Variants in TPRG1 observed in about 807,000 individuals in gnomAD.
TPRG1 encodes tumor protein p63 regulated 1, also known as tumor protein p63-regulated gene 1 protein.
Under a neutral mutation model 29.3 loss-of-function variants are expected in TPRG1, and 29 were observed. The ratio of observed to expected loss-of-function variants is 0.99; its 90% CI spans 0.74 to 1.35. The LOEUF (loss-of-function observed/expected upper bound fraction) is 1.35, where lower values mean the gene tolerates loss of function less well. Among genes scored for constraint, TPRG1 ranks in the 40% most tolerant of loss-of-function variants. The pLI is 0.00. For missense variants in TPRG1, 327 were observed against 335.0 expected (o/e 0.98, Z 0.19); for synonymous variants, 130 against 116.8 (o/e 1.11, Z -0.73).
chr3:189,140,747 G>T (rs533114749), intron 3 of TPRG1, among the ~76,000 whole-genome samples: 1 of 152,174 alleles, frequency 6.6e-6, no homozygotes, highest in African/African-American at 2.4e-5. Flanking sequence ...GGTATTTCAA[G>T]AGGGTAATCA....
At chr3:189,043,695 C>T (rs924539164) in intron 4 of TPRG1, among the ~76,000 whole-genome samples, 2 of 152,102 alleles carry the variant, frequency 1.3e-5, no homozygotes, top group African/African-American at 4.8e-5. Context: ...CACTGGAATT[C>T]TATGACACCC....
chr3:189,082,718 A>C (rs1056414971), intron 4 of TPRG1, among the ~76,000 whole-genome samples: 2 of 152,204 alleles, frequency 1.3e-5, no homozygotes, highest in Non-Finnish European at 2.9e-5. Context: ...CAGAAGGTAA[A>C]TTCCAGTGGT....
chr3:189,280,674 C>G (rs905378931), intron 4 of TPRG1, among the ~76,000 whole-genome samples: 2 of 152,088 alleles, frequency 1.3e-5, no homozygotes, highest in African/African-American at 4.8e-5. Flanking sequence ...ACACAGGACT[C>G]GAAGACAGAT....
intron 4 of TPRG1, among the ~76,000 whole-genome samples, chr3:189,296,287 A>G (rs950544711): frequency 6.6e-6 from 1 of 152,184 alleles, no homozygotes; most frequent in Non-Finnish European, 1.5e-5. Flanking sequence ...TGAAAAACCA[A>G]CTCTTCACAA....
chr3:189,156,198 G>T (rs1726642564), intron 5 of TPRG1, among the ~76,000 whole-genome samples: 1 of 152,152 alleles, frequency 6.6e-6, no homozygotes, highest in South Asian at 2.1e-4. Context: ...CAGAAAAGGT[G>T]CTATGCTTGC....
At chr3:189,096,881 A>G (rs961690501), upstream of TPRG1, among the ~76,000 whole-genome samples, 1 of 152,226 alleles carries the variant, frequency 6.6e-6, no homozygotes, top group African/African-American at 2.4e-5. Flanking sequence ...ATTTTCAGAC[A>G]ACTGTAGACA....
intron 1 of TPRG1, chr3:189,191,074 G>A (rs1471474847): frequency 1.9e-5 from 11 of 573,986 alleles, no homozygotes; most frequent in South Asian, 7.6e-5. Flanking sequence ...CAGTTCACAC[G>A]TAAATATACA....
intron 1 of TPRG1, among the ~76,000 whole-genome samples, chr3:189,187,966 CAT>C (rs1333258350): frequency 3.4e-4 from 52 of 152,244 alleles, no homozygotes; most frequent in Non-Finnish European, 5.3e-4. Flanking sequence ...AAAGTAAAGA[CAT>C]ATTTCAGGCT....
At chr3:189,175,961 A>G (rs1053095684) in intron 1 of TPRG1, among the ~76,000 whole-genome samples, 1 of 152,200 alleles carries the variant, frequency 6.6e-6, no homozygotes, top group African/African-American at 2.4e-5. Context: ...GAACAGGCAT[A>G]GAAGATTCTT....
chr3:189,264,671 G>T lies in TPRG1; in HGVS notation c.479+25762G>T, dbSNP rs1410085300. ...AATGAAGTGTTCATTTCACCAAAAA[G>T]ATTTTTTAAGAAAACACAAAGCACA... On this transcript the variant is annotated intron_variant, in intron 4 of 5. Coordinates refer to ENST00000345063, the MANE Select transcript of TPRG1 (RefSeq NM_198485.4). Among the ~76,000 whole-genome samples the T allele has an allele frequency of 2.0e-5, 3 of 152,028 alleles. 1 individual carries two copies. Among genetic ancestry groups the T allele is most frequent in the South Asian group, 4.1e-4 (2 of 4,822 alleles).
intron 4 of TPRG1, among the ~76,000 whole-genome samples, chr3:189,303,208 T>C (rs919958176): frequency 6.6e-6 from 1 of 152,234 alleles, no homozygotes; most frequent in African/African-American, 2.4e-5. Flanking sequence ...TCTTAAAATC[T>C]GGGTGTTTTT....
intron 4 of TPRG1, among the ~76,000 whole-genome samples, chr3:189,089,920 C>T (rs535449335): frequency 4.0e-5 from 6 of 151,480 alleles, no homozygotes; most frequent in South Asian, 4.2e-4. Flanking sequence ...GAGATTTTTC[C>T]AGGAGTTTAT....
intron 3 of TPRG1, among the ~76,000 whole-genome samples, chr3:189,142,300 A>C (rs1724678648): frequency 6.6e-6 from 1 of 152,118 alleles, no homozygotes; most frequent in Non-Finnish European, 1.5e-5. Context: ...AAACTACACC[A>C]AGGGATTGAT....
At chr3:189,076,694 G>T (rs1717194674) in intron 4 of TPRG1, among the ~76,000 whole-genome samples, 1 of 151,728 alleles carries the variant, frequency 6.6e-6, no homozygotes, top group Non-Finnish European at 1.5e-5. Context: ...ATCATTACTG[G>T]GAGTGATAAG....
chr3:189,251,736 G>T (rs900984698), intron 4 of TPRG1, among the ~76,000 whole-genome samples: 2 of 150,532 alleles, frequency 1.3e-5, no homozygotes, highest in South Asian at 4.2e-4. Flanking sequence ...ATTGTTGCCC[G>T]CATGTCCCAC....
chr3:188,998,023 T>C (rs1327965187), intron 1 of TPRG1, among the ~76,000 whole-genome samples: 1 of 152,062 alleles, frequency 6.6e-6, no homozygotes, highest in African/African-American at 2.4e-5. Context: ...CCCTCACTCA[T>C]TTGTTCAATT....
chr3:189,141,128 A>G (rs1724495939), intron 3 of TPRG1, among the ~76,000 whole-genome samples: 1 of 152,236 alleles, frequency 6.6e-6, no homozygotes, highest in South Asian at 2.1e-4. Context: ...CTGCATGCCT[A>G]CAGGTCTCTG....
At chr3:189,073,802 C>T (rs944017847) in intron 4 of TPRG1, among the ~76,000 whole-genome samples, 1 of 152,112 alleles carries the variant, frequency 6.6e-6, no homozygotes, top group Non-Finnish European at 1.5e-5. Flanking sequence ...TTCTCATGCA[C>T]AATATATACA....
intron 4 of TPRG1, among the ~76,000 whole-genome samples, chr3:189,056,033 C>CTCCT (rs1715657997): frequency 3.4e-5 from 1 of 29,510 alleles, no homozygotes; most frequent in South Asian, 8.7e-4. Context: ...CCCTCCCTCC[C>CTCCT]TTCCTTCCTT....
Sources: allele counts gnomAD v4.1 joint callset (sites outside exome capture counted in the v4.1 genomes callset), GRCh38; gene constraint gnomAD v4.1.1; transcripts MANE v1.5; gene names NCBI Gene and HGNC (gene_info 2026-07-23, HGNC 2026-07-21).